The following SPIDR variants were observed in gnomAD, a reference collection of about 807,000 sequenced individuals.
SPIDR encodes the protein scaffold protein involved in DNA repair.
SPIDR carries 93 observed loss-of-function variants against 104.6 expected under a neutral mutation model. The ratio of observed to expected loss-of-function variants is 0.89; its 90% CI spans 0.75 to 1.06. The LOEUF is 1.06. Among genes scored for constraint, SPIDR ranks in the 50% least tolerant of loss-of-function variants. The pLI is 0.00. For missense variants in SPIDR, 1,154 were observed against 1,111.2 expected, an observed-to-expected ratio of 1.04 and a Z score of -0.55; for synonymous variants, 431 against 416.9, an observed-to-expected ratio of 1.03 and a Z score of -0.41.
chr8:47,379,544 C>G (rs987216800), intron 5 of SPIDR, among the ~76,000 whole-genome samples: 1 of 152,152 alleles, frequency 6.6e-6, no homozygotes, highest in African/African-American at 2.4e-5. Context: ...GAAAACTTCA[C>G]TTGCAAGAGC....
chr8:47,382,509 T>C (rs2059431674), intron 5 of SPIDR, among the ~76,000 whole-genome samples: 1 of 152,174 alleles, frequency 6.6e-6, no homozygotes, highest in Admixed American at 6.5e-5. Context: ...GCCTCCTGGG[T>C]TCAAACGATT....
At chr8:47,294,244 C>G (rs932667482) in intron 5 of SPIDR, 47 of 495,372 alleles carry the variant, frequency 9.5e-5, no homozygotes, top group African/African-American at 9.0e-4. Context: ...ACTTCTCTTT[C>G]ACTTCCCACC....
chr8:47,286,705 T>TA (rs1310054906), intron 3 of SPIDR, among the ~76,000 whole-genome samples: 1 of 152,100 alleles, frequency 6.6e-6, no homozygotes, highest in Non-Finnish European at 1.5e-5. Flanking sequence ...GAACTTAATC[T>TA]AGGGGGAAAA....
chr8:47,732,266 G>A, intron 19 of SPIDR: 1 of 698,136 alleles, frequency 1.4e-6, no homozygotes, highest in Non-Finnish European at 2.6e-6. Flanking sequence ...CTTATAAAGA[G>A]CTCAAAGGTG....
intron 7 of SPIDR, among the ~76,000 whole-genome samples, chr8:47,423,752 A>T (rs538335978): frequency 3.2e-4 from 48 of 152,340 alleles, no homozygotes; most frequent in African/African-American, 1.0e-3. Context: ...GCTGGGTTTC[A>T]CTTCCAAGGT....
At chr8:47,477,117 G>A (rs567244743) in intron 8 of SPIDR, among the ~76,000 whole-genome samples, 1 of 152,290 alleles carries the variant, frequency 6.6e-6, no homozygotes, top group South Asian at 2.1e-4. Context: ...TGAGTAAAAT[G>A]GAGATTAAAA....
rs576022290 is a variant in SPIDR, at chr8:47,389,305, T to A, written c.526-7071T>A. ...ATAGGAAAAATATGGAAAATGTAAGTGTTTTAAAAGAAAAACAAATTTAAA... is the reference window on the plus strand; with the variant it reads ...ATAGGAAAAATATGGAAAATGTAAGAGTTTTAAAAGAAAAACAAATTTAAA... On this transcript the variant is annotated intron_variant, in intron 5 of 19. Transcript: ENST00000297423. Among the ~76,000 whole-genome samples the A allele has an allele frequency of 2.0e-5, 3 of 152,356 alleles. No homozygotes were observed. The East Asian group carries it at 5.8e-4, about 29-fold the overall frequency.
At chr8:47,310,613 A>G (rs782442644) in intron 5 of SPIDR, among the ~76,000 whole-genome samples, 3 of 152,172 alleles carry the variant, frequency 2.0e-5, no homozygotes, top group Admixed American at 6.5e-5. Context: ...TTCCCAGAGG[A>G]CAGAACTCGG....
Position 47,299,589 on chromosome 8 carries a change from G to A in SPIDR, c.525+5559G>A, listed in dbSNP as rs1182624039. On this transcript the variant is annotated intron_variant, in intron 5 of 19. Transcript: ENST00000297423. The stretch of plus-strand genomic sequence containing the variant: ...TCAGTATGATATTGGCTGTGGGTTT[G>A]TCATAAATAGCTCTTATTATTTTGA... 5.9e-5 allele frequency among the ~76,000 whole-genome samples: 9 copies of A among 152,090 alleles called. 1 individual carries two copies. Among genetic ancestry groups the A allele is most frequent in the Non-Finnish European group, 1.2e-4 (8 of 68,026 alleles).
intron 8 of SPIDR, among the ~76,000 whole-genome samples, chr8:47,568,669 G>A (rs1304743471): frequency 6.6e-6 from 1 of 152,098 alleles, no homozygotes; most frequent in African/African-American, 2.4e-5. Context: ...GAGCAAAGAG[G>A]ATTTTCACGT....
At chr8:47,566,983 C>G (rs1321334748) in intron 8 of SPIDR, among the ~76,000 whole-genome samples, 1 of 152,046 alleles carries the variant, frequency 6.6e-6, no homozygotes, top group South Asian at 2.1e-4. Flanking sequence ...TGGTCAAACT[C>G]TAATATATAT....
At chr8:47,640,978 G>T (rs559950387) in intron 10 of SPIDR, among the ~76,000 whole-genome samples, 1 of 147,682 alleles carries the variant, frequency 6.8e-6, no homozygotes, top group African/African-American at 2.5e-5. Context: ...CTCCCAAAGC[G>T]CTAGGATTAC....
intron 16 of SPIDR, among the ~76,000 whole-genome samples, 158 bp downstream of exon 16, chr8:47,713,799 G>T (rs1327114784): frequency 6.6e-6 from 1 of 152,194 alleles, no homozygotes; most frequent in Non-Finnish European, 1.5e-5. Context: ...CTTGGTATCA[G>T]ACTCGAGTCT....
intron 19 of SPIDR, among the ~76,000 whole-genome samples, 196 bp from the exon 20 acceptor site, chr8:47,735,109 TGG>T (rs1554618381): frequency 1.2e-4 from 14 of 119,120 alleles, no homozygotes; most frequent in African/African-American, 4.5e-4. Context: ...TGTGTGTGTG[TGG>T]GTGTGTGTGT....
intron 5 of SPIDR, among the ~76,000 whole-genome samples, chr8:47,380,345 A>AT (rs200084374): frequency 7.9e-5 from 12 of 151,402 alleles, no homozygotes; most frequent in East Asian, 5.8e-4. Flanking sequence ...GGTGTACACT[A>AT]TTTTTTTTTG....
chr8:47,466,263 T>C (rs79837660), intron 8 of SPIDR, among the ~76,000 whole-genome samples: 1 of 152,284 alleles, frequency 6.6e-6, no homozygotes, highest in East Asian at 1.9e-4. Context: ...ATTGACCACA[T>C]AATTGGACAT....
chr8:47,533,292 A>G (rs2086328184), intron 8 of SPIDR, among the ~76,000 whole-genome samples: 1 of 152,146 alleles, frequency 6.6e-6, no homozygotes, highest in African/African-American at 2.4e-5. Flanking sequence ...GGATTAAAGA[A>G]TTAAATGTAA....
At chr8:47,449,947 T>A (rs1233295566) in intron 8 of SPIDR, among the ~76,000 whole-genome samples, 1 of 152,172 alleles carries the variant, frequency 6.6e-6, no homozygotes, top group African/African-American at 2.4e-5. Flanking sequence ...AGGCAGGCAG[T>A]GGATTGCTTG....
At chr8:47,685,660 T>C (rs990164741) in intron 11 of SPIDR, among the ~76,000 whole-genome samples, 3 of 151,818 alleles carry the variant, frequency 2.0e-5, no homozygotes, top group African/African-American at 7.2e-5. Flanking sequence ...GTTCAAGCGA[T>C]TCTCCTGTCT....
Sources: allele counts gnomAD v4.1 joint callset (sites outside exome capture counted in the v4.1 genomes callset), GRCh38; gene constraint gnomAD v4.1.1; transcripts MANE v1.5; gene names NCBI Gene and HGNC (gene_info 2026-07-23, HGNC 2026-07-21).